EYS: variants seen among roughly 807,000 people sequenced by gnomAD.
The protein encoded by EYS is EGF-like photoreceptor maintenance factor.
Under a neutral mutation model 282.1 loss-of-function variants are expected in EYS, and 250 were observed. The observed-to-expected ratio is 0.89, with a 90% CI of 0.80 to 0.98. EYS has a LOEUF of 0.98. Ranked by LOEUF, EYS falls within the 50% of genes least tolerant of loss-of-function variation. The pLI, the probability that EYS is intolerant of heterozygous loss-of-function variation, is 0.00. For missense variants in EYS, 4,016 were observed against 3,709.0 expected (o/e 1.08, Z -2.15); for synonymous variants, 1,355 against 1,282.9 (o/e 1.06, Z -1.20).
intron 33 of EYS, among the ~76,000 whole-genome samples, chr6:64,043,908 T>C (rs1410051408): frequency 1.3e-5 from 2 of 152,316 alleles, no homozygotes; most frequent in African/African-American, 4.8e-5. Context: ...CCTTAAAATA[T>C]AAAGGGAAAT....
intron 22 of EYS, among the ~76,000 whole-genome samples, chr6:64,703,426 TATA>T (rs1276853947): frequency 0.016 from 931 of 59,860 alleles, 54 homozygotes; most frequent in African/African-American, 0.047. Flanking sequence ...TATATATATA[TATA>T]TTTTTTTTTT....
intron 2 of EYS, among the ~76,000 whole-genome samples, chr6:65,588,998 T>A (rs932044349): frequency 1.2e-4 from 18 of 152,046 alleles, no homozygotes; most frequent in African/African-American, 4.1e-4. Context: ...ATAATAGTCA[T>A]CATTCTTTAA....
chr6:64,451,762 A>G (rs1582771090), intron 26 of EYS, among the ~76,000 whole-genome samples: 4 of 152,310 alleles, frequency 2.6e-5, no homozygotes, highest in Non-Finnish European at 5.9e-5. Flanking sequence ...CAAAAACCAC[A>G]TGATTATCTC....
intron 12 of EYS, among the ~76,000 whole-genome samples, chr6:65,287,121 C>G (rs1768389201): frequency 6.6e-6 from 1 of 151,028 alleles, no homozygotes; most frequent in Non-Finnish European, 1.5e-5. Flanking sequence ...TGTCTATACA[C>G]CAATAATGGG....
intron 22 of EYS, among the ~76,000 whole-genome samples, chr6:64,667,125 A>T (rs1035763495): frequency 1.3e-5 from 2 of 151,130 alleles, no homozygotes; most frequent in African/African-American, 4.8e-5. Context: ...CTCACTCAGG[A>T]TTCTCTGCTT....
chr6:65,350,475 A>T (rs9453259), intron 9 of EYS, among the ~76,000 whole-genome samples: 10,526 of 148,002 alleles, frequency 0.071, 1,146 homozygotes, highest in African/African-American at 0.25. Context: ...CTATTTATTT[A>T]AAAAAAAAGT....
At chr6:65,080,838 T>C (rs1390788249) in intron 12 of EYS, among the ~76,000 whole-genome samples, 1 of 152,166 alleles carries the variant, frequency 6.6e-6, no homozygotes, top group Non-Finnish European at 1.5e-5. Context: ...TCATAAGCAC[T>C]AAATTTTGCA....
At chr6:64,234,141 A>G (rs931278334) in intron 30 of EYS, among the ~76,000 whole-genome samples, 1 of 152,230 alleles carries the variant, frequency 6.6e-6, no homozygotes, top group Non-Finnish European at 1.5e-5. Context: ...TAGAGCTTTA[A>G]TAGTGTAAGG....
chr6:63,791,577 C>CAAA (rs889736940), intron 37 of EYS, among the ~76,000 whole-genome samples: 17 of 52,506 alleles, frequency 3.2e-4, no homozygotes, highest in East Asian at 5.2e-4. Flanking sequence ...GACTCCCTCT[C>CAAA]AAAAAAAAAA....
At chr6:64,154,788 C>T (rs2150296936) in intron 31 of EYS, among the ~76,000 whole-genome samples, 1 of 152,134 alleles carries the variant, frequency 6.6e-6, no homozygotes, top group South Asian at 2.1e-4. Flanking sequence ...ACCATATACA[C>T]AATTGTGTGT....
chr6:65,527,073 C>T (rs1334130955), intron 2 of EYS, among the ~76,000 whole-genome samples: 1 of 152,134 alleles, frequency 6.6e-6, no homozygotes, highest in Non-Finnish European at 1.5e-5. Context: ...ATGTCTGTTA[C>T]TGGACCATAG....
At chr6:64,065,835 T>C (rs922928323) in intron 33 of EYS, among the ~76,000 whole-genome samples, 1 of 152,220 alleles carries the variant, frequency 6.6e-6, no homozygotes, top group African/African-American at 2.4e-5. Flanking sequence ...GTTCAATTTG[T>C]AGTTCATTCC....
intron 5 of EYS, among the ~76,000 whole-genome samples, chr6:65,472,898 C>G (rs900410088): frequency 6.6e-6 from 1 of 151,710 alleles, no homozygotes; most frequent in Non-Finnish European, 1.5e-5. Flanking sequence ...GGTATATCCT[C>G]TCTTGTGGGT....
At chr6:64,393,943 A>G (rs1773259493) in intron 28 of EYS, among the ~76,000 whole-genome samples, 1 of 152,082 alleles carries the variant, frequency 6.6e-6, no homozygotes, top group African/African-American at 2.4e-5. Context: ...GTCTCAGGAT[A>G]CAAAATCAAT....
intron 2 of EYS, among the ~76,000 whole-genome samples, chr6:65,625,544 C>T (rs1377064138): frequency 6.6e-6 from 1 of 152,116 alleles, no homozygotes; most frequent in Non-Finnish European, 1.5e-5. Context: ...AAGGAAAGTT[C>T]TGGTGTGAAA....
chr6:65,168,979 AGACAT>A, intron 12 of EYS, among the ~76,000 whole-genome samples: 1 of 151,452 alleles, frequency 6.6e-6, no homozygotes, highest in African/African-American at 2.4e-5. Context: ...CCATGTTTTA[AGACAT>A]ATCAAAACAA....
At chr6:65,393,090 C>A (rs1766115658) in intron 7 of EYS, among the ~76,000 whole-genome samples, 1 of 151,328 alleles carries the variant, frequency 6.6e-6, no homozygotes, top group African/African-American at 2.4e-5. Flanking sequence ...CCAAACACCA[C>A]ATGTTCTCAC....
chr6:63,983,928 T>C (rs193208181), intron 35 of EYS, among the ~76,000 whole-genome samples: 3 of 151,730 alleles, frequency 2.0e-5, no homozygotes, highest in African/African-American at 7.2e-5. Flanking sequence ...AGAAAACAGA[T>C]ATAGGTAATT....
chr6:64,062,311 T>G (rs935988311), intron 33 of EYS, among the ~76,000 whole-genome samples: 3 of 152,160 alleles, frequency 2.0e-5, no homozygotes, highest in Admixed American at 2.0e-4. Flanking sequence ...ATCAGAAGCC[T>G]CAAGCTATGT....
Sources: allele counts gnomAD v4.1 joint callset (sites outside exome capture counted in the v4.1 genomes callset), GRCh38; gene constraint gnomAD v4.1.1; transcripts MANE v1.5; gene names NCBI Gene and HGNC (gene_info 2026-07-23, HGNC 2026-07-21).